The following SYNDIG1 variants were observed in gnomAD, a reference collection of about 807,000 sequenced individuals.
SYNDIG1 encodes the protein synapse differentiation-inducing gene protein 1.
A neutral mutation model predicts 19.4 loss-of-function variants in SYNDIG1; 9 were observed. The ratio of observed to expected loss-of-function variants is 0.46; its 90% confidence interval spans 0.28 to 0.81. The LOEUF (loss-of-function observed/expected upper bound fraction) is 0.81. Ranked by LOEUF, SYNDIG1 falls within the 30% of genes least tolerant of loss-of-function variation. The pLI is 0.12. For synonymous variants in SYNDIG1, 141 were observed against 145.9 expected (o/e 0.97, Z 0.24); for missense variants, 311 against 343.3 (o/e 0.91, Z 0.74).
intron 1 of SYNDIG1, among the ~76,000 whole-genome samples, chr20:24,541,320 T>C (rs914909000): frequency 2.6e-5 from 4 of 152,256 alleles, no homozygotes; most frequent in South Asian, 4.1e-4. Flanking sequence ...TTCTGACTTA[T>C]ATTTTTCTTT....
intron 1 of SYNDIG1, among the ~76,000 whole-genome samples, chr20:24,487,799 G>T (rs1232416285): frequency 6.6e-6 from 1 of 152,126 alleles, no homozygotes; most frequent in Non-Finnish European, 1.5e-5. Context: ...CACAGCTCCC[G>T]TCAAGAAGAG....
At chr20:24,580,168 T>C (rs1179652332) in intron 2 of SYNDIG1, among the ~76,000 whole-genome samples, 2 of 152,206 alleles carry the variant, frequency 1.3e-5, no homozygotes, top group South Asian at 2.1e-4. Context: ...AAGAGGATTC[T>C]TTAAGACAGC....
At chr20:24,511,133 A>C (rs1406464649) in intron 1 of SYNDIG1, among the ~76,000 whole-genome samples, 1 of 152,182 alleles carries the variant, frequency 6.6e-6, no homozygotes, top group Non-Finnish European at 1.5e-5. Context: ...AATTCTTGGA[A>C]AGATGCTTTC....
chr20:24,617,013 G>A (rs933807884), intron 3 of SYNDIG1, among the ~76,000 whole-genome samples: 2 of 152,118 alleles, frequency 1.3e-5, no homozygotes, highest in Non-Finnish European at 2.9e-5. Flanking sequence ...GTATCTGCCC[G>A]CTTCCACAGC....
chr20:24,642,997 C>T (rs530331358), intron 3 of SYNDIG1, among the ~76,000 whole-genome samples: 75 of 152,054 alleles, frequency 4.9e-4, no homozygotes, highest in African/African-American at 1.7e-3. Context: ...TACTTTTGCA[C>T]GAATGTAATT....
At chr20:24,629,669 T>C (rs73098758) in intron 3 of SYNDIG1, among the ~76,000 whole-genome samples, 7,194 of 152,212 alleles carry the variant, frequency 0.047, 252 homozygotes, top group Non-Finnish European at 0.068. Context: ...ACACGGAGAA[T>C]TGGGGCCCTT....
chr20:24,640,132 G>A (rs894323109), intron 3 of SYNDIG1, among the ~76,000 whole-genome samples: 50 of 151,982 alleles, frequency 3.3e-4, no homozygotes, highest in African/African-American at 1.1e-3. Flanking sequence ...TCAGGAGTTC[G>A]AGACTAGCCT....
intron 3 of SYNDIG1, among the ~76,000 whole-genome samples, chr20:24,661,528 AAAAAGGAGGAAGGAGG>A (rs1568723360): frequency 3.4e-4 from 2 of 5,842 alleles, no homozygotes; most frequent in East Asian, 5.7e-3. Context: ...GGAGGGAGGA[AAAAAGGAGGAAGGAGG>A]GAGGGAGGAA....
intron 2 of SYNDIG1, among the ~76,000 whole-genome samples, chr20:24,575,040 G>A (rs879854330): frequency 4.6e-5 from 7 of 152,242 alleles, no homozygotes; most frequent in Admixed American, 3.9e-4. Context: ...AACCCTGGAT[G>A]TGCTTCCCCA....
At chr20:24,511,376 A>G (rs899443629) in intron 1 of SYNDIG1, among the ~76,000 whole-genome samples, 6 of 152,148 alleles carry the variant, frequency 3.9e-5, no homozygotes, top group Admixed American at 6.5e-5. Flanking sequence ...CCGGCTCCAC[A>G]TGGTGCTGTG....
intron 3 of SYNDIG1, among the ~76,000 whole-genome samples, chr20:24,626,944 C>G (rs920715432): frequency 1.4e-3 from 210 of 152,082 alleles, no homozygotes; most frequent in Non-Finnish European, 2.3e-3. Context: ...GGCGTGGCGG[C>G]GCGCGCCTGC....
At chr20:24,477,175 G>A (rs1013826320) in intron 1 of SYNDIG1, among the ~76,000 whole-genome samples, 18 of 152,180 alleles carry the variant, frequency 1.2e-4, no homozygotes, top group Admixed American at 9.2e-4. Flanking sequence ...ACAAAAATGA[G>A]TTTGCATCCC....
At chr20:24,540,045 G>T (rs6049767) in intron 1 of SYNDIG1, among the ~76,000 whole-genome samples, 1 of 152,036 alleles carries the variant, frequency 6.6e-6, no homozygotes, top group Non-Finnish European at 1.5e-5. Flanking sequence ...GCCTCCCAAA[G>T]TACTGAGATT....
At chr20:24,524,600 C>A (rs1387405633) in intron 1 of SYNDIG1, among the ~76,000 whole-genome samples, 2 of 151,356 alleles carry the variant, frequency 1.3e-5, no homozygotes, top group African/African-American at 2.4e-5. Context: ...GAGCTGAGAT[C>A]GCGCCACTGC....
At chr20:24,586,168 C>T (rs1302653374) in intron 3 of SYNDIG1, among the ~76,000 whole-genome samples, 3 of 152,092 alleles carry the variant, frequency 2.0e-5, no homozygotes, top group Non-Finnish European at 2.9e-5. Flanking sequence ...TGAGGGCAAG[C>T]GCTTCCTGAC....
At chr20:24,585,053 G>GGGGGGGGGGGCC in intron 3 of SYNDIG1, 60 bp downstream of exon 3, 1 of 647,990 alleles carries the variant, frequency 1.5e-6, no homozygotes, top group Non-Finnish European at 2.7e-6. Context: ...GGGGGTGGGG[G>GGGGGGGGGGGCC]CGGCAATCCC....
chr20:24,520,526 C>G (rs1346043336), intron 1 of SYNDIG1, among the ~76,000 whole-genome samples: 1 of 151,912 alleles, frequency 6.6e-6, no homozygotes, highest in African/African-American at 2.4e-5. Flanking sequence ...AACCCTGTCT[C>G]TACTAAAAAT....
chr20:24,568,593 A>G (rs1202495879), intron 2 of SYNDIG1, among the ~76,000 whole-genome samples: 2 of 152,238 alleles, frequency 1.3e-5, no homozygotes, highest in Admixed American at 1.3e-4. Context: ...TTGAAAAGCC[A>G]GCGGCCAAAC....
At chr20:24,647,599 A>G (rs1475966475) in intron 3 of SYNDIG1, among the ~76,000 whole-genome samples, 4 of 151,976 alleles carry the variant, frequency 2.6e-5, no homozygotes, top group Non-Finnish European at 4.4e-5. Flanking sequence ...ATAGCCCTGA[A>G]ACAGCAGCTT....
Sources: allele counts gnomAD v4.1 joint callset (sites outside exome capture counted in the v4.1 genomes callset), GRCh38; gene constraint gnomAD v4.1.1; transcripts MANE v1.5; gene names NCBI Gene and HGNC (gene_info 2026-07-23, HGNC 2026-07-21).